The following SEMA5A variants were observed in gnomAD, a reference collection of about 807,000 sequenced individuals.
SEMA5A encodes semaphorin-5A.
Under a neutral mutation model 135.5 loss-of-function variants are expected in SEMA5A, and 55 were observed. The observed-to-expected ratio is 0.41, with a 90% confidence interval of 0.33 to 0.51. The LOEUF is 0.51. Among genes scored for constraint, SEMA5A ranks in the 20% least tolerant of loss-of-function variants. The probability of loss-of-function intolerance (pLI) is 0.37; values close to 1 mark genes in which losing one functional copy is unlikely to be tolerated. For synonymous variants in SEMA5A, 580 were observed against 546.5 expected (o/e 1.06, Z -0.85); for missense variants, 1,290 against 1,419.9 (o/e 0.91, Z 1.47).
intron 1 of SEMA5A, among the ~76,000 whole-genome samples, chr5:9,533,835 G>C (rs1170163097): frequency 6.6e-6 from 1 of 152,078 alleles, no homozygotes; most frequent in East Asian, 1.9e-4. Context: ...AGACACAAAA[G>C]ATCGAGTGAG....
intron 1 of SEMA5A, among the ~76,000 whole-genome samples, chr5:9,472,330 A>T (rs927358263): frequency 2.0e-5 from 3 of 152,158 alleles, no homozygotes; most frequent in Non-Finnish European, 4.4e-5. Flanking sequence ...GCCCTGGAAG[A>T]TGCTTTGTTT....
At chr5:9,303,054 T>C (rs1450334716) in intron 5 of SEMA5A, among the ~76,000 whole-genome samples, 1 of 151,848 alleles carries the variant, frequency 6.6e-6, no homozygotes, top group Non-Finnish European at 1.5e-5. Context: ...AATTTACTTA[T>C]TTCAAATAGT....
At chr5:9,307,779 T>G (rs1224910373) in intron 5 of SEMA5A, among the ~76,000 whole-genome samples, 1 of 152,180 alleles carries the variant, frequency 6.6e-6, no homozygotes, top group Non-Finnish European at 1.5e-5. Context: ...GAAATGCATT[T>G]TAGATAAATG....
chr5:9,082,940 AT>A (rs1232207294), intron 16 of SEMA5A, among the ~76,000 whole-genome samples: 1 of 152,190 alleles, frequency 6.6e-6, no homozygotes, highest in Non-Finnish European at 1.5e-5. Flanking sequence ...ATTTTACTCC[AT>A]TTGTGCTCAT....
rs1561339167 is a variant in SEMA5A at position 9,545,242 on chromosome 5, A to G, written c.-175+342T>C. Among the ~76,000 whole-genome samples, 1 of 152,064 alleles carries G rather than the reference A, an allele frequency of 6.6e-6. No individual in the cohort carries two copies. Among genetic ancestry groups the G allele is most frequent in the Non-Finnish European group, 1.5e-5 (1 of 68,006 alleles). On this transcript the variant is annotated intron_variant, in intron 1 of 22. Coordinates refer to ENST00000382496, the MANE Select transcript of SEMA5A (RefSeq NM_003966.3). The surrounding 1 kb of genome is among the most constrained non-coding windows in gnomAD (Gnocchi z 4.5). ...CTGGAGGCGCGCCGGGGGCGGGCAC[A>G]GACCAGTGTGCGCACCTTTCCGGGT...
intron 3 of SEMA5A, among the ~76,000 whole-genome samples, chr5:9,345,697 T>C (rs1410616066): frequency 6.6e-6 from 1 of 152,094 alleles, no homozygotes; most frequent in Non-Finnish European, 1.5e-5. Context: ...AACTACCCAG[T>C]ATAAGAACAA....
intron 1 of SEMA5A, among the ~76,000 whole-genome samples, chr5:9,473,208 G>GAAA (rs34546257): frequency 8.0e-6 from 1 of 125,204 alleles, no homozygotes; most frequent in Non-Finnish European, 1.7e-5. Context: ...GCTAAAATAA[G>GAAA]AAAAAAAAAA....
chr5:9,355,743 C>T (rs1754412799), intron 3 of SEMA5A, among the ~76,000 whole-genome samples: 2 of 152,010 alleles, frequency 1.3e-5, no homozygotes, highest in Admixed American at 6.6e-5. Flanking sequence ...GAGGTGACAT[C>T]GAGGTGAGGA....
chr5:9,380,110 A>C, intron 2 of SEMA5A, 87 bp from the exon 3 acceptor site: 1 of 832,168 alleles, frequency 1.2e-6, no homozygotes. Context: ...CACTAACTTT[A>C]AGGTTACACT....
chr5:9,444,321 G>C (rs1367349547), intron 1 of SEMA5A, among the ~76,000 whole-genome samples: 1 of 151,996 alleles, frequency 6.6e-6, no homozygotes, highest in Non-Finnish European at 1.5e-5. Context: ...CCTATTTGTA[G>C]TCTTTTATCC....
intron 12 of SEMA5A, among the ~76,000 whole-genome samples, chr5:9,147,473 C>T (rs1038177982): frequency 1.1e-4 from 16 of 151,818 alleles, no homozygotes; most frequent in Admixed American, 2.0e-4. Context: ...GGTTTCACCA[C>T]GTTGGCCAGG....
At chr5:9,253,752 C>T (rs867365594) in intron 5 of SEMA5A, among the ~76,000 whole-genome samples, 2 of 152,116 alleles carry the variant, frequency 1.3e-5, no homozygotes, top group African/African-American at 4.8e-5. Flanking sequence ...TTTCAAGAAA[C>T]CTGAATCTGG....
chr5:9,460,769 A>G (rs1356143923), intron 1 of SEMA5A, among the ~76,000 whole-genome samples: 1 of 152,216 alleles, frequency 6.6e-6, no homozygotes, highest in African/African-American at 2.4e-5. Flanking sequence ...ATGATAGTAT[A>G]TGACACAATC....
intron 12 of SEMA5A, among the ~76,000 whole-genome samples, chr5:9,153,000 G>C (rs182895473): frequency 3.3e-5 from 5 of 150,848 alleles, no homozygotes; most frequent in Non-Finnish European, 7.4e-5. Context: ...CCCAGGAGGT[G>C]GAGATTGCAG....
intron 2 of SEMA5A, among the ~76,000 whole-genome samples, chr5:9,407,951 C>T (rs1024289697): frequency 2.6e-5 from 4 of 151,916 alleles, no homozygotes; most frequent in African/African-American, 9.7e-5. Context: ...GTCAACACCA[C>T]CACTATGACT....
chr5:9,327,658 A>G (rs1314851955), intron 4 of SEMA5A, among the ~76,000 whole-genome samples: 1 of 152,220 alleles, frequency 6.6e-6, no homozygotes, highest in Non-Finnish European at 1.5e-5. Flanking sequence ...AATCTTAGAG[A>G]TATAAAATCA....
intron 13 of SEMA5A, among the ~76,000 whole-genome samples, chr5:9,133,403 T>C (rs1741546013): frequency 6.6e-6 from 1 of 152,240 alleles, no homozygotes; most frequent in Admixed American, 6.5e-5. Context: ...ACATAATTTA[T>C]TGTCTTTTGT....
chr5:9,085,064 G>C (rs1738603800), intron 16 of SEMA5A, among the ~76,000 whole-genome samples: 1 of 152,142 alleles, frequency 6.6e-6, no homozygotes, highest in South Asian at 2.1e-4. Context: ...TGAGGGAGAT[G>C]ATTTAGAGTA....
At chr5:9,182,514 G>T (rs1372077850) in intron 11 of SEMA5A, among the ~76,000 whole-genome samples, 1 of 151,966 alleles carries the variant, frequency 6.6e-6, no homozygotes, top group African/African-American at 2.4e-5. Context: ...CTGTATATTT[G>T]CTTGTATAGT....
Sources: allele counts gnomAD v4.1 joint callset (sites outside exome capture counted in the v4.1 genomes callset), GRCh38; gene constraint gnomAD v4.1.1; non-coding constraint Gnocchi (gnomAD v3.1); transcripts MANE v1.5; gene names NCBI Gene and HGNC (gene_info 2026-07-23, HGNC 2026-07-21).